The following SETBP1 variants were observed in gnomAD, a reference collection of about 807,000 sequenced individuals.
The protein encoded by SETBP1 is SET-binding protein.
In SETBP1, 9 loss-of-function variants were observed where a neutral mutation model predicts 101.0. The ratio of observed to expected loss-of-function variants is 0.09; its 90% confidence interval spans 0.05 to 0.16. The LOEUF is 0.16. Among genes scored for constraint, SETBP1 ranks in the 10% least tolerant of loss-of-function variants. The pLI, the probability that SETBP1 is intolerant of heterozygous loss-of-function variation, is 1.00. For synonymous variants in SETBP1, 818 were observed against 788.5 expected (o/e 1.04, Z -0.63); for missense variants, 1,858 against 2,033.8 (o/e 0.91, Z 1.66).
At chr18:45,038,742 A>G in intron 5 of SETBP1, 87 bp downstream of exon 5, 1 of 1,421,372 alleles carries the variant, frequency 7.0e-7, no homozygotes, top group Non-Finnish European at 9.8e-7. Flanking sequence ...GAATACAGGT[A>G]AGAGTTCTCT....
intron 2 of SETBP1, among the ~76,000 whole-genome samples, chr18:44,742,204 T>C (rs1241969074): frequency 6.6e-6 from 1 of 152,188 alleles, no homozygotes; most frequent in Non-Finnish European, 1.5e-5. Context: ...ATAGGTAAAC[T>C]GAAGCCAAGA....
chr18:44,849,216 A>C (rs968163682), intron 2 of SETBP1, among the ~76,000 whole-genome samples: 8 of 152,126 alleles, frequency 5.3e-5, no homozygotes, highest in Admixed American at 2.0e-4. Context: ...GGGACCTTTT[A>C]GGTAGAGCCT....
At chr18:44,756,635 A>G (rs1250846495) in intron 2 of SETBP1, among the ~76,000 whole-genome samples, 4 of 152,134 alleles carry the variant, frequency 2.6e-5, no homozygotes, top group African/African-American at 9.7e-5. Context: ...AATTCTTTGG[A>G]TGTGTCTCTC....
chr18:44,914,205 G>GCAGTGTCGT (rs1177796417), intron 3 of SETBP1, among the ~76,000 whole-genome samples: 2 of 152,196 alleles, frequency 1.3e-5, no homozygotes, highest in Non-Finnish European at 2.9e-5. Context: ...AAAGTAAACT[G>GCAGTGTCGT]CAGTGTCGTG....
chr18:45,060,042 T>C (rs1158183727), intron 5 of SETBP1, among the ~76,000 whole-genome samples: 1 of 152,244 alleles, frequency 6.6e-6, no homozygotes, highest in East Asian at 1.9e-4. Context: ...TTTTGTGATT[T>C]CCTTTTCTAC....
intron 4 of SETBP1, among the ~76,000 whole-genome samples, chr18:45,036,964 T>A (rs1319975509): frequency 6.6e-6 from 1 of 152,192 alleles, no homozygotes; most frequent in African/African-American, 2.4e-5. Context: ...CTTTAACCTT[T>A]TAGAAATGTG....
At chr18:44,988,094 G>GA (rs1273202145) in intron 4 of SETBP1, 1 of 151,916 alleles carries the variant, frequency 6.6e-6, no homozygotes, top group African/African-American at 2.4e-5. Flanking sequence ...CCCTTTTGTA[G>GA]AAAAAATAGA....
At chr18:44,718,451 G>A (rs1177339701) in intron 2 of SETBP1, among the ~76,000 whole-genome samples, 1 of 151,612 alleles carries the variant, frequency 6.6e-6, no homozygotes, top group African/African-American at 2.4e-5. Flanking sequence ...GCTCTACTGA[G>A]TCTGAGAAAG....
chr18:44,820,255 G>GT (rs2072082577), intron 2 of SETBP1, among the ~76,000 whole-genome samples: 3 of 152,258 alleles, frequency 2.0e-5, no homozygotes. Context: ...TCAACTCCCT[G>GT]TTTTAGGGCA....
At chr18:44,876,425 A>G (rs2069405028) in intron 3 of SETBP1, 1 of 621,718 alleles carries the variant, frequency 1.6e-6, no homozygotes, top group South Asian at 2.4e-5. Flanking sequence ...GGCTGCAGAC[A>G]GGAATTATCA....
At chr18:44,945,317 C>A (rs1038918236) in intron 3 of SETBP1, among the ~76,000 whole-genome samples, 1 of 152,166 alleles carries the variant, frequency 6.6e-6, no homozygotes, top group African/African-American at 2.4e-5. Flanking sequence ...TGGGCACACA[C>A]TTTAAATGTA....
At chr18:45,037,835 G>A (rs974502522) in intron 4 of SETBP1, among the ~76,000 whole-genome samples, 2 of 152,110 alleles carry the variant, frequency 1.3e-5, no homozygotes, top group Admixed American at 1.3e-4. Flanking sequence ...AATCCCCACA[G>A]TTCATCTTCC....
chr18:44,798,895 C>T (rs1024320065), intron 2 of SETBP1, among the ~76,000 whole-genome samples: 4 of 152,182 alleles, frequency 2.6e-5, no homozygotes, highest in Non-Finnish European at 4.4e-5. Context: ...CAAGGTCAGC[C>T]CCATACTTAG....
chr18:44,698,672 T>G (rs1208104024), intron 1 of SETBP1, among the ~76,000 whole-genome samples: 4 of 152,218 alleles, frequency 2.6e-5, no homozygotes, highest in Non-Finnish European at 5.9e-5. Context: ...ACCTACACCT[T>G]GCTCAAGTGG....
chr18:44,780,002 C>CT (rs539931458), intron 2 of SETBP1, among the ~76,000 whole-genome samples: 51 of 152,232 alleles, frequency 3.4e-4, no homozygotes, highest in Non-Finnish European at 5.4e-4. Flanking sequence ...ACACTCTGCA[C>CT]TTTCCCGCCA....
At chr18:44,691,172 C>G (rs978988308) in intron 1 of SETBP1, among the ~76,000 whole-genome samples, 1 of 152,072 alleles carries the variant, frequency 6.6e-6, no homozygotes, top group African/African-American at 2.4e-5. Flanking sequence ...ATATATACCT[C>G]GATTTGATTG....
At chr18:44,680,463 C>A (rs1372141173), upstream of SETBP1, 7 of 151,984 alleles carry the variant, frequency 4.6e-5, no homozygotes, top group Non-Finnish European at 4.4e-5. Context: ...CGCGGGCCCC[C>A]GCACTCCCGG....
chr18:44,755,981 C>A (rs917467861), intron 2 of SETBP1, among the ~76,000 whole-genome samples: 1 of 151,984 alleles, frequency 6.6e-6, no homozygotes, highest in African/African-American at 2.4e-5. Context: ...TTTGGGAGGC[C>A]GAGACAGGTG....
chr18:44,742,760 C>G (rs1298025967), intron 2 of SETBP1, among the ~76,000 whole-genome samples: 1 of 152,128 alleles, frequency 6.6e-6, no homozygotes, highest in Non-Finnish European at 1.5e-5. Context: ...GTCCCAGGGC[C>G]CTCTGCTAGA....
Sources: gnomAD v4.1 joint callset for allele counts (sites outside exome capture counted in the v4.1 genomes callset) on GRCh38, gnomAD v4.1.1 for gene constraint, MANE v1.5 for transcripts, NCBI Gene and HGNC (gene_info 2026-07-23, HGNC 2026-07-21) for gene names.